Variants in SMAD3 observed in about 807,000 individuals in gnomAD.
SMAD3 encodes the protein MAD homolog 3.
A neutral mutation model predicts 51.8 loss-of-function variants in SMAD3; 12 were observed. The observed-to-expected ratio is 0.23, with a 90% CI of 0.15 to 0.38. The LOEUF is 0.38. Ranked by LOEUF, SMAD3 falls within the 10% of genes least tolerant of loss-of-function variation. The pLI is 1.00. For synonymous variants in SMAD3, 238 were observed against 227.7 expected (o/e 1.05, Z -0.41); for missense variants, 294 against 565.6 (o/e 0.52, Z 4.87).
At chr15:67,179,847 G>A (rs3784681) in intron 5 of SMAD3, among the ~76,000 whole-genome samples, 1 of 151,836 alleles carries the variant, frequency 6.6e-6, no homozygotes, top group Non-Finnish European at 1.5e-5. Flanking sequence ...GTTCCTCCCT[G>A]AGGAGGAACC....
chr15:67,187,260 A>G, intron 7 of SMAD3, 105 bp from the exon 8 acceptor site: 1 of 1,336,070 alleles, frequency 7.5e-7, no homozygotes, highest in Non-Finnish European at 1.1e-6. Flanking sequence ...CTGGAGCTGT[A>G]TAAATGAGGC....
intron 1 of SMAD3, among the ~76,000 whole-genome samples, chr15:67,122,613 G>A (rs770624094): frequency 2.0e-5 from 3 of 152,204 alleles, no homozygotes; most frequent in Non-Finnish European, 2.9e-5. Flanking sequence ...TAAGAGCTGA[G>A]CTGGCTCTTA....
chr15:67,152,515 G>A (rs975439934), intron 1 of SMAD3, among the ~76,000 whole-genome samples: 6 of 152,186 alleles, frequency 3.9e-5, no homozygotes, highest in Non-Finnish European at 5.9e-5. Context: ...GCTTTTGGGG[G>A]TGAGGGATTT....
chr15:67,118,408 T>G (rs1371250974), intron 1 of SMAD3, among the ~76,000 whole-genome samples: 1 of 152,264 alleles, frequency 6.6e-6, no homozygotes, highest in Non-Finnish European at 1.5e-5. Flanking sequence ...TTGTTTTGTT[T>G]GATTTCTGGT....
intron 1 of SMAD3, among the ~76,000 whole-genome samples, chr15:67,131,138 G>A (rs570135823): frequency 3.3e-5 from 5 of 152,318 alleles, no homozygotes; most frequent in Admixed American, 6.5e-5. Context: ...GAATGATTTC[G>A]GCAGGAATAT....
intron 1 of SMAD3, chr15:67,098,717 G>A (rs1960676172): frequency 1.7e-6 from 1 of 605,400 alleles, no homozygotes; most frequent in Admixed American, 2.8e-5. Context: ...CTGTCCACAG[G>A]ACACTTGGGG....
In SMAD3 at chr15:67,066,178, T is replaced by A; in HGVS notation, c.24T>A (p.Thr8=). MSSILPF[T]PPIVKRLLGW... ...CCATGTCGTCCATCCTGCCTTTCAC[T>A]CCCCCGATCGTGAAGCGCCTGCTGG... Residue 8 remains threonine (T), a synonymous_variant, in exon 1 of 9, where the codon ACT becomes ACA. Coordinates refer to ENST00000327367, the MANE Select transcript of SMAD3 (RefSeq NM_005902.4). 6.2e-7 allele frequency: 1 copy of A among 1,606,594 alleles called. No individual in the cohort carries two copies. Among genetic ancestry groups the A allele is most frequent in the South Asian group, 1.1e-5 (1 of 89,824 alleles).
chr15:67,181,959 G>A (rs1046019068), intron 6 of SMAD3, among the ~76,000 whole-genome samples: 5 of 152,026 alleles, frequency 3.3e-5, no homozygotes, highest in Admixed American at 3.3e-4. Flanking sequence ...GCTAATTTTT[G>A]TGTTTTTAGT....
chr15:67,123,715 CT>C (rs1409225972), intron 1 of SMAD3, among the ~76,000 whole-genome samples: 1 of 152,096 alleles, frequency 6.6e-6, no homozygotes, highest in Non-Finnish European at 1.5e-5. Flanking sequence ...TTGAAATAGT[CT>C]TTTTTTGACA....
At chr15:67,156,380 C>G (rs1962283623) in intron 1 of SMAD3, among the ~76,000 whole-genome samples, 1 of 152,122 alleles carries the variant, frequency 6.6e-6, no homozygotes, top group Admixed American at 6.5e-5. Context: ...ACTCTAAGGC[C>G]TCTAGGTAGG....
chr15:67,140,816 A>G (rs2048503353), intron 1 of SMAD3, among the ~76,000 whole-genome samples: 1 of 152,206 alleles, frequency 6.6e-6, no homozygotes, highest in Non-Finnish European at 1.5e-5. Flanking sequence ...AGGGACAGAC[A>G]GAGTGTGGGA....
At chr15:67,122,012 C>T (rs147054502) in intron 1 of SMAD3, among the ~76,000 whole-genome samples, 7 of 152,302 alleles carry the variant, frequency 4.6e-5, no homozygotes, top group East Asian at 1.9e-4. Context: ...TCACACCAGC[C>T]GCATTTCAAG....
At chr15:67,116,211 C>A (rs796073017) in intron 1 of SMAD3, among the ~76,000 whole-genome samples, 5 of 152,318 alleles carry the variant, frequency 3.3e-5, no homozygotes, top group African/African-American at 1.2e-4. Flanking sequence ...CCCAGATAAA[C>A]CAGCGCACTG....
chr15:67,155,127 C>T lies in SMAD3; in HGVS notation c.207-9768C>T, dbSNP rs1015292823. On this transcript the variant is annotated intron_variant, in intron 1 of 8. Transcript: ENST00000327367. ...TGGACCAGATGCCCTCAAGGTTCCT[C>T]AAGGGTCAGCTGTCACAGTTCTCCA... is the stretch of plus-strand genomic sequence containing the variant. 7.0e-4 allele frequency among the ~76,000 whole-genome samples: 106 copies of T among 152,236 alleles called. 1 individual carries two copies. Among genetic ancestry groups the T allele is most frequent in the Non-Finnish European group, 1.4e-3 (92 of 68,038 alleles).
At chr15:67,127,548 C>T (rs192970204) in intron 1 of SMAD3, among the ~76,000 whole-genome samples, 1 of 152,348 alleles carries the variant, frequency 6.6e-6, no homozygotes, top group Admixed American at 6.5e-5. Flanking sequence ...ATCCTCTCTC[C>T]TTCACCCTTG....
chr15:67,192,489 CT>C lies in SMAD3; in HGVS notation c.*1954del, dbSNP rs1963391676. The C allele has an allele frequency of 4.3e-6, 1 of 233,354 alleles. No homozygotes were observed. The highest frequency in any genetic ancestry group is 8.5e-6 in the Non-Finnish European group (1 of 118,076). The allele number at this position is 233,354 out of a possible 1,614,324, so 14.5% of individuals were successfully genotyped here. A position where few individuals can be genotyped will look rare whatever the true frequency, so the allele number is the denominator to read the frequency against. On this transcript the variant is annotated 3_prime_UTR_variant, in exon 9 of 9. Coordinates refer to ENST00000327367, the MANE Select transcript of SMAD3 (RefSeq NM_005902.4). ...GCCTGTTTCTTACACAGGAAGCCCC[CT>C]GAACCTCCTGTACATGTGTTCATGT...
At chr15:67,084,183 C>T (rs544168942) in intron 1 of SMAD3, among the ~76,000 whole-genome samples, 76 of 142,172 alleles carry the variant, frequency 5.3e-4, no homozygotes, top group African/African-American at 1.9e-3. Context: ...TCATGCTATT[C>T]TCCTGCCTCA....
chr15:67,086,529 A>T (rs1960398155), intron 1 of SMAD3, among the ~76,000 whole-genome samples: 1 of 152,108 alleles, frequency 6.6e-6, no homozygotes, highest in African/African-American at 2.4e-5. Context: ...GCGCCCTAGG[A>T]GGGGAGACTA....
chr15:67,123,896 T>A (rs533553520), intron 1 of SMAD3, among the ~76,000 whole-genome samples: 1 of 152,348 alleles, frequency 6.6e-6, no homozygotes, highest in African/African-American at 2.4e-5. Context: ...TGTCCTGCTT[T>A]CCAACTTTCG....
Sources: allele counts gnomAD v4.1 joint callset (sites outside exome capture counted in the v4.1 genomes callset), GRCh38; gene constraint gnomAD v4.1.1; transcripts MANE v1.5; gene names NCBI Gene and HGNC (gene_info 2026-07-23, HGNC 2026-07-21).